Variants in C11orf96 observed in about 807,000 individuals in gnomAD.
The protein encoded by C11orf96 is chromosome 11 open reading frame 96, also known as uncharacterized protein C11orf96.
Under a neutral mutation model 7.6 loss-of-function variants are expected in C11orf96, and 6 were observed. That is an observed-to-expected ratio of 0.79 (90% CI 0.43 to 1.55). The LOEUF is 1.55. Ranked by LOEUF, C11orf96 falls within the 40% of genes most tolerant of loss-of-function variation. The probability of loss-of-function intolerance (pLI) is 0.01; values close to 1 mark genes in which losing one functional copy is unlikely to be tolerated. For synonymous variants in C11orf96, 72 were observed against 79.0 expected, an observed-to-expected ratio of 0.91 and a Z score of 0.47; for missense variants, 150 against 167.3, an observed-to-expected ratio of 0.90 and a Z score of 0.57.
rs761999807 is a variant in C11orf96, at chr11:43,943,847, A to G, written c.*574A>G. ...CTGGATATGTCTGTGAGGCTCCTGA[A>G]AGGAGACAAATAAAGTCAATATATT... On this transcript the variant is annotated 3_prime_UTR_variant, in exon 1 of 1. Transcript: ENST00000617612. The surrounding 1 kb of genome is among the most constrained non-coding windows in gnomAD (Gnocchi z 4.8). The G allele has an allele frequency of 7.0e-6, 9 of 1,285,346 alleles. 1 individual carries two copies. In the South Asian group the frequency reaches 1.2e-4, roughly 17 times the overall value. The allele number at this position is 1,285,346 out of a possible 1,614,324, so 79.6% of individuals were successfully genotyped here. A position where few individuals can be genotyped will look rare whatever the true frequency, so the allele number is the denominator to read the frequency against.
rs957665641 is a variant in C11orf96, at chr11:43,943,362, G to A, written c.*89G>A. On this transcript the variant is annotated 3_prime_UTR_variant, in exon 1 of 1. Transcript: ENST00000617612. This position sits in a 1 kb window ranked among gnomAD's most constrained non-coding sequence, Gnocchi z 4.8. ...CCGAGAGTGCCCGCGCCCTGCTCCC[G>A]GGGGACCCGCAAGGACCCGGGACCG... is the stretch of plus-strand genomic sequence containing the variant. The A allele has an allele frequency of 3.2e-5, 45 of 1,388,828 alleles. No individual in the cohort carries two copies. The highest frequency in any genetic ancestry group is 3.8e-5 in the Non-Finnish European group (41 of 1,077,626). 86.0% of individuals were successfully genotyped at this position (1,388,828 alleles called of 1,614,324 possible). A position where few individuals can be genotyped will look rare whatever the true frequency, so the allele number is the denominator to read the frequency against.
At position 43,943,278 on chromosome 11, in the gene C11orf96, C is replaced by T. The variant is rs1357231474; in HGVS notation, c.*5C>T. On this transcript the variant is annotated 3_prime_UTR_variant, in exon 1 of 1. Coordinates refer to ENST00000617612, the MANE Select transcript of C11orf96 (RefSeq NM_001145033.2). This position sits in a 1 kb window ranked among gnomAD's most constrained non-coding sequence, Gnocchi z 4.8. The stretch of plus-strand genomic sequence containing the variant: ...GACTCCGACTCGGCCCTGTAAGGGG[C>T]GCCGCCCGCGGGGGGGACGCGCGCG... 1.3e-6 allele frequency: 2 copies of T among 1,483,178 alleles called. No homozygotes were observed. Among genetic ancestry groups the T allele is most frequent in the Admixed American group, 2.6e-5 (1 of 38,294 alleles). The allele number at this position is 1,483,178 out of a possible 1,614,324, so 91.9% of individuals were successfully genotyped here. A position where few individuals can be genotyped will look rare whatever the true frequency, so the allele number is the denominator to read the frequency against.
In C11orf96 at chr11:43,942,814, GGCT is replaced by G. The variant is rs923643313; in HGVS notation, c.-85_-83del. The G allele has an allele frequency of 3.1e-5, 29 of 941,706 alleles. No homozygotes were observed. The highest frequency in any genetic ancestry group is 3.7e-5 in the Non-Finnish European group (29 of 780,530). 58.3% of individuals were successfully genotyped at this position (941,706 alleles called of 1,614,324 possible). On this transcript the variant is annotated 5_prime_UTR_variant, in exon 1 of 1. Transcript: ENST00000617612. Reference sequence around the variant, plus strand: ...TGGATCCCCCGCCCGGCGAGCCCCCGGCTGCTGCCTCCCGGGGGGCCCCGGCGC... The same window carrying G: ...TGGATCCCCCGCCCGGCGAGCCCCCGGCTGCCTCCCGGGGGGCCCCGGCGC...
Position 43,943,636 on chromosome 11 carries a change from C to T in C11orf96, c.*363C>T. ...GGTTTGCAACTCCGATTTTGCACAC[C>T]GCTCCACCGTGCCCCCCAGCGCACA... On this transcript the variant is annotated 3_prime_UTR_variant, in exon 1 of 1. Transcript: ENST00000617612. This position sits in a 1 kb window ranked among gnomAD's most constrained non-coding sequence, Gnocchi z 4.8. The T allele has an allele frequency of 1.5e-6, 2 of 1,305,722 alleles. No individual in the cohort carries two copies. The highest frequency in any genetic ancestry group is 2.5e-5 in the South Asian group (2 of 81,050). The allele number at this position is 1,305,722 out of a possible 1,614,324, so 80.9% of individuals were successfully genotyped here. A position where few individuals can be genotyped will look rare whatever the true frequency, so the allele number is the denominator to read the frequency against.
rs534252451 is a variant in C11orf96, at chr11:43,943,203, A to C, written c.299A>C (p.Gln100Pro). ...CGCAGCACGCAGAGCCTGTCGCTGC[A>C]GCGGGAGCAGCTCAGCAGCTGCAAA... ...LRRSTQSLSL[Q>P]REQLSSCKLR... The change falls in exon 1 of 1, where the codon CAG (glutamine) becomes CCG (proline). Residue 100 changes from glutamine to proline, a missense_variant. Gln to Pro is a moderately conservative substitution (Grantham distance 76, BLOSUM62 -1). This residue lies in a region of C11orf96 where 69 missense variants were observed against 69.1 expected (regional missense o/e 1.00). Coordinates refer to ENST00000617612, the MANE Select transcript of C11orf96 (RefSeq NM_001145033.2). This position sits in a 1 kb window ranked among gnomAD's most constrained non-coding sequence, Gnocchi z 4.8. The C allele has an allele frequency of 1.3e-6, 2 of 1,522,900 alleles. No homozygotes were observed. The highest frequency in any genetic ancestry group is 4.2e-5 in the Admixed American group (2 of 47,218). 94.3% of individuals were successfully genotyped at this position (1,522,900 alleles called of 1,614,324 possible).
rs1952123086 is a variant in C11orf96, at chr11:43,942,806, G to A, written c.-99G>A. 24 of 859,440 alleles carry A rather than the reference G, an allele frequency of 2.8e-5. No homozygotes were observed. Among genetic ancestry groups the A allele is most frequent in the South Asian group, 5.3e-5 (1 of 18,762 alleles). The allele number at this position is 859,440 out of a possible 1,614,324, so 53.2% of individuals were successfully genotyped here. A position where few individuals can be genotyped will look rare whatever the true frequency, so the allele number is the denominator to read the frequency against. On this transcript the variant is annotated 5_prime_UTR_variant, in exon 1 of 1. Transcript: ENST00000617612. ...AGCAGATTTGGATCCCCCGCCCGGCGAGCCCCCGGCTGCTGCCTCCCGGGG... is the reference window on the plus strand; with the variant it reads ...AGCAGATTTGGATCCCCCGCCCGGCAAGCCCCCGGCTGCTGCCTCCCGGGG...
In C11orf96 at chr11:43,943,579, CG is replaced by C. The variant is rs1243703349; in HGVS notation, c.*308del. 1 of 1,312,062 alleles carries C rather than the reference CG, an allele frequency of 7.6e-7. No homozygotes were observed. The highest frequency in any genetic ancestry group is 2.3e-5 in the Admixed American group (1 of 43,824). The allele number at this position is 1,312,062 out of a possible 1,614,324, so 81.3% of individuals were successfully genotyped here. ...GGGAGGCGCGCCCGCGCTGAGTCGGCGGCGGGTAGCCACTCCATGCCCTTGT... is the reference window on the plus strand; with the variant it reads ...GGGAGGCGCGCCCGCGCTGAGTCGGCGCGGGTAGCCACTCCATGCCCTTGT... On this transcript the variant is annotated 3_prime_UTR_variant, in exon 1 of 1. Coordinates refer to ENST00000617612, the MANE Select transcript of C11orf96 (RefSeq NM_001145033.2). This position sits in a 1 kb window ranked among gnomAD's most constrained non-coding sequence, Gnocchi z 4.8.
chr11:43,943,478 G>T lies in C11orf96; in HGVS notation c.*205G>T, dbSNP rs1316463622. ...GCCCTGGCCCGGGAGCGCCGGGAGC[G>T]GGGCCGCTTTCCTCGTCCTTGTAAA... On this transcript the variant is annotated 3_prime_UTR_variant, in exon 1 of 1. Coordinates refer to ENST00000617612, the MANE Select transcript of C11orf96 (RefSeq NM_001145033.2). This position sits in a 1 kb window ranked among gnomAD's most constrained non-coding sequence, Gnocchi z 4.8. The T allele has an allele frequency of 2.1e-6, 3 of 1,402,474 alleles. No individual in the cohort carries two copies. Among genetic ancestry groups the T allele is most frequent in the Non-Finnish European group, 2.8e-6 (3 of 1,054,762 alleles). 86.9% of individuals were successfully genotyped at this position (1,402,474 alleles called of 1,614,324 possible).
rs1284749476 is a variant in C11orf96 at position 43,943,680 on chromosome 11, A to C, written c.*407A>C. ...GCGCACACCCATTCACACTCACGCC[A>C]ACACTCTCGCTGAACACTTTTATAA... On this transcript the variant is annotated 3_prime_UTR_variant, in exon 1 of 1. Coordinates refer to ENST00000617612, the MANE Select transcript of C11orf96 (RefSeq NM_001145033.2). This position sits in a 1 kb window ranked among gnomAD's most constrained non-coding sequence, Gnocchi z 4.8. 7.7e-7 allele frequency: 1 copy of C among 1,304,708 alleles called. No homozygotes were observed. Among genetic ancestry groups the C allele is most frequent in the South Asian group, 1.2e-5 (1 of 81,036 alleles). 80.8% of individuals were successfully genotyped at this position (1,304,708 alleles called of 1,614,324 possible).
At position 43,943,357 on chromosome 11, in the gene C11orf96, C is replaced by T; in HGVS notation, c.*84C>T. On this transcript the variant is annotated 3_prime_UTR_variant, in exon 1 of 1. Transcript: ENST00000617612. The surrounding 1 kb of genome is among the most constrained non-coding windows in gnomAD (Gnocchi z 4.8). ...GAACCCCGAGAGTGCCCGCGCCCTG[C>T]TCCCGGGGGACCCGCAAGGACCCGG... 1 of 1,392,928 alleles carries T rather than the reference C, an allele frequency of 7.2e-7. No individual in the cohort carries two copies. The allele number at this position is 1,392,928 out of a possible 1,614,324, so 86.3% of individuals were successfully genotyped here. A position where few individuals can be genotyped will look rare whatever the true frequency, so the allele number is the denominator to read the frequency against.
rs3746196 is a variant in C11orf96, at chr11:43,943,812, A to T, written c.*539A>T. ...GATGGCTGAAGGCATTTATTTAACG[A>T]TCTTTTTACCTGGATATGTCTGTGA... On this transcript the variant is annotated 3_prime_UTR_variant, in exon 1 of 1. Coordinates refer to ENST00000617612, the MANE Select transcript of C11orf96 (RefSeq NM_001145033.2). The surrounding 1 kb of genome is among the most constrained non-coding windows in gnomAD (Gnocchi z 4.8). The T allele has an allele frequency of 7.7e-7, 1 of 1,302,660 alleles. No individual in the cohort carries two copies. The highest frequency in any genetic ancestry group is 1.0e-6 in the Non-Finnish European group (1 of 987,832). The allele number at this position is 1,302,660 out of a possible 1,614,324, so 80.7% of individuals were successfully genotyped here.
Position 43,942,838 on chromosome 11 carries a change from G to A in C11orf96, c.-67G>A, listed in dbSNP as rs1952123459. 2.6e-6 allele frequency: 3 copies of A among 1,139,642 alleles called. No homozygotes were observed. The highest frequency in any genetic ancestry group is 4.3e-5 in the South Asian group (1 of 23,524). 70.6% of individuals were successfully genotyped at this position (1,139,642 alleles called of 1,614,324 possible). A position where few individuals can be genotyped will look rare whatever the true frequency, so the allele number is the denominator to read the frequency against. ...CGGCTGCTGCCTCCCGGGGGGCCCC[G>A]GCGCAGCGGCCGCCCTCGGAGAGCC... On this transcript the variant is annotated 5_prime_UTR_variant, in exon 1 of 1. Coordinates refer to ENST00000617612, the MANE Select transcript of C11orf96 (RefSeq NM_001145033.2).
rs1177725795 is a variant in C11orf96 at position 43,943,001 on chromosome 11, G to T, written c.97G>T (p.Val33Leu). Reference sequence around the variant, plus strand: ...CCTGGCCGACGAGTTCCCGCAGCCCGTGCGGCCCGCCAAGCTGCCCAAGGG... The same window carrying T: ...CCTGGCCGACGAGTTCCCGCAGCCCTTGCGGCCCGCCAAGCTGCCCAAGGG... ...VCLADEFPQP[V>L]RPAKLPKGRG... The change falls in exon 1 of 1, where the codon GTG becomes TTG. Residue 33 changes from valine (V) to leucine (L), a missense_variant. Coordinates refer to ENST00000617612, the MANE Select transcript of C11orf96 (RefSeq NM_001145033.2). This position sits in a 1 kb window ranked among gnomAD's most constrained non-coding sequence, Gnocchi z 4.8. 6 of 1,505,092 alleles carry T rather than the reference G, an allele frequency of 4.0e-6. No homozygotes were observed. The Admixed American group carries it at 6.6e-5, about 17-fold the overall frequency. 93.2% of individuals were successfully genotyped at this position (1,505,092 alleles called of 1,614,324 possible).
In C11orf96 at chr11:43,943,531, G is replaced by T. The variant is rs775553621; in HGVS notation, c.*258G>T. 3 of 1,327,868 alleles carry T rather than the reference G, an allele frequency of 2.3e-6. No individual in the cohort carries two copies. The South Asian group carries it at 3.7e-5, about 16-fold the overall frequency. The allele number at this position is 1,327,868 out of a possible 1,614,324, so 82.3% of individuals were successfully genotyped here. On this transcript the variant is annotated 3_prime_UTR_variant, in exon 1 of 1. Coordinates refer to ENST00000617612, the MANE Select transcript of C11orf96 (RefSeq NM_001145033.2). The surrounding 1 kb of genome is among the most constrained non-coding windows in gnomAD (Gnocchi z 4.8). ...TTTATTTTTTAACTCTTCCCAGTGC[G>T]AACTCTGCTGTGAGTGTGTGCGGGG...
At position 43,943,005 on chromosome 11, in the gene C11orf96, G is replaced by A. The variant is rs1236616460; in HGVS notation, c.101G>A (p.Arg34Gln). 2 of 1,504,616 alleles carry A rather than the reference G, an allele frequency of 1.3e-6. No homozygotes were observed. The highest frequency in any genetic ancestry group is 1.8e-6 in the Non-Finnish European group (2 of 1,126,650). The allele number at this position is 1,504,616 out of a possible 1,614,324, so 93.2% of individuals were successfully genotyped here. A position where few individuals can be genotyped will look rare whatever the true frequency, so the allele number is the denominator to read the frequency against. Residue 34 changes from arginine (R) to glutamine (Q), a missense_variant, in exon 1 of 1, where the codon CGG becomes CAG. By Grantham distance (43) the Arg-to-Gln change is conservative. Transcript: ENST00000617612. This position sits in a 1 kb window ranked among gnomAD's most constrained non-coding sequence, Gnocchi z 4.8. The part of the protein sequence containing the change: ...CLADEFPQPV[R>Q]PAKLPKGRGR... ...GCCGACGAGTTCCCGCAGCCCGTGC[G>A]GCCCGCCAAGCTGCCCAAGGGCCGG... is the stretch of plus-strand genomic sequence containing the variant.
At position 43,942,982 on chromosome 11, in the gene C11orf96, C is replaced by G. The variant is rs964602085; in HGVS notation, c.78C>G (p.Ala26=). 1.0e-5 allele frequency: 15 copies of G among 1,503,550 alleles called. No homozygotes were observed. The highest frequency in any genetic ancestry group is 1.3e-5 in the Non-Finnish European group (15 of 1,127,716). 93.1% of individuals were successfully genotyped at this position (1,503,550 alleles called of 1,614,324 possible). Residue 26 remains alanine (A), a synonymous_variant, in exon 1 of 1, where the codon GCC becomes GCG. Transcript: ENST00000617612. ...TGATGCCGCACTTCGTGTGCCTGGCCGACGAGTTCCCGCAGCCCGTGCGGC... is the reference window on the plus strand; with the variant it reads ...TGATGCCGCACTTCGTGTGCCTGGCGGACGAGTTCCCGCAGCCCGTGCGGC... The part of the protein sequence containing the change: ...QAVMPHFVCL[A]DEFPQPVRPA...
In C11orf96 at chr11:43,943,626, T is replaced by G. The variant is rs1952130888; in HGVS notation, c.*353T>G. On this transcript the variant is annotated 3_prime_UTR_variant, in exon 1 of 1. Coordinates refer to ENST00000617612, the MANE Select transcript of C11orf96 (RefSeq NM_001145033.2). This position sits in a 1 kb window ranked among gnomAD's most constrained non-coding sequence, Gnocchi z 4.8. ...CTTGTCCGATGGTTTGCAACTCCGA[T>G]TTTGCACACCGCTCCACCGTGCCCC... 7.7e-7 allele frequency: 1 copy of G among 1,306,158 alleles called. No homozygotes were observed. The highest frequency in any genetic ancestry group is 1.2e-5 in the South Asian group (1 of 81,058). 80.9% of individuals were successfully genotyped at this position (1,306,158 alleles called of 1,614,324 possible). A position where few individuals can be genotyped will look rare whatever the true frequency, so the allele number is the denominator to read the frequency against.
Position 43,943,300 on chromosome 11 carries a change from C to T in C11orf96, c.*27C>T. The T allele has an allele frequency of 2.1e-6, 3 of 1,455,962 alleles. No individual in the cohort carries two copies. Among genetic ancestry groups the T allele is most frequent in the Non-Finnish European group, 2.7e-6 (3 of 1,109,042 alleles). 90.2% of individuals were successfully genotyped at this position (1,455,962 alleles called of 1,614,324 possible). The stretch of plus-strand genomic sequence containing the variant: ...GGGCGCCGCCCGCGGGGGGGACGCG[C>T]GCGTCCGCGGTCCGCGCGGGGACCG... On this transcript the variant is annotated 3_prime_UTR_variant, in exon 1 of 1. Coordinates refer to ENST00000617612, the MANE Select transcript of C11orf96 (RefSeq NM_001145033.2). The surrounding 1 kb of genome is among the most constrained non-coding windows in gnomAD (Gnocchi z 4.8).
At position 43,943,509 on chromosome 11, in the gene C11orf96, A is replaced by C; in HGVS notation, c.*236A>C. 7.4e-7 allele frequency: 1 copy of C among 1,355,754 alleles called. No individual in the cohort carries two copies. Among genetic ancestry groups the C allele is most frequent in the Non-Finnish European group, 9.8e-7 (1 of 1,023,948 alleles). The allele number at this position is 1,355,754 out of a possible 1,614,324, so 84.0% of individuals were successfully genotyped here. A position where few individuals can be genotyped will look rare whatever the true frequency, so the allele number is the denominator to read the frequency against. On this transcript the variant is annotated 3_prime_UTR_variant, in exon 1 of 1. Coordinates refer to ENST00000617612, the MANE Select transcript of C11orf96 (RefSeq NM_001145033.2). The surrounding 1 kb of genome is among the most constrained non-coding windows in gnomAD (Gnocchi z 4.8). ...GCTTTCCTCGTCCTTGTAAATGTTT[A>C]TTTTTTAACTCTTCCCAGTGCGAAC...
Sources: allele counts gnomAD v4.1 joint callset, GRCh38; gene constraint gnomAD v4.1.1; regional missense constraint gnomAD v4.1.1; non-coding constraint Gnocchi (gnomAD v3.1); transcripts MANE v1.5; gene names NCBI Gene and HGNC (gene_info 2026-07-23, HGNC 2026-07-21).